Variants in SEPSECS observed in about 807,000 individuals in gnomAD.
SEPSECS encodes Sep (O-phosphoserine) tRNA:Sec (selenocysteine) tRNA synthase.
In SEPSECS, 42 loss-of-function variants were observed where a neutral mutation model predicts 52.1. The observed-to-expected ratio is 0.81, with a 90% CI of 0.63 to 1.04. The LOEUF is 1.04. SEPSECS is among the 50% of genes least tolerant of loss of function. The pLI, the probability that SEPSECS is intolerant of heterozygous loss-of-function variation, is 0.00. For missense variants in SEPSECS, 590 were observed against 610.6 expected, an observed-to-expected ratio of 0.97 and a Z score of 0.36; for synonymous variants, 216 against 211.4, an observed-to-expected ratio of 1.02 and a Z score of -0.19.
rs1169517148 is a variant in SEPSECS at position 25,122,171 on chromosome 4, C to G, written c.*1760G>C. The stretch of plus-strand genomic sequence containing the variant: ...TATGTAAATTTTTTTAATGTTTGAA[C>G]CCCAAAGATAAAATAAATACATTTT... On this transcript the variant is annotated 3_prime_UTR_variant, in exon 11 of 11. Coordinates refer to ENST00000382103, the MANE Select transcript of SEPSECS (RefSeq NM_016955.4). The G allele has an allele frequency of 6.6e-6, 1 of 151,982 alleles. No homozygotes were observed. The highest frequency in any genetic ancestry group is 6.6e-5 in the Admixed American group (1 of 15,234). The allele number at this position is 151,982 out of a possible 1,614,324, so 9.4% of individuals were successfully genotyped here. A position where few individuals can be genotyped will look rare whatever the true frequency, so the allele number is the denominator to read the frequency against.
chr4:25,136,223 G>T (rs1422917732), intron 8 of SEPSECS, among the ~76,000 whole-genome samples: 1 of 152,146 alleles, frequency 6.6e-6, no homozygotes, highest in Non-Finnish European at 1.5e-5. Context: ...GCAAGAGAAA[G>T]AAATAAAGGG....
intron 8 of SEPSECS, among the ~76,000 whole-genome samples, chr4:25,132,935 A>G (rs1024925143): frequency 3.9e-5 from 6 of 152,166 alleles, no homozygotes; most frequent in Non-Finnish European, 7.3e-5. Context: ...TGGTACTTAT[A>G]AGTGGTACTT....
intron 2 of SEPSECS, among the ~76,000 whole-genome samples, chr4:25,158,191 T>A (rs1712804054): frequency 6.6e-6 from 1 of 152,228 alleles, no homozygotes. Context: ...ATCAGCAAAC[T>A]GTTAACTGAA....
At chr4:25,137,378 AAAC>A (rs1728880623) in intron 8 of SEPSECS, among the ~76,000 whole-genome samples, 1 of 152,164 alleles carries the variant, frequency 6.6e-6, no homozygotes, top group African/African-American at 2.4e-5. Context: ...AAAAAAAATC[AAAC>A]AACCCCATAA....
intron 8 of SEPSECS, among the ~76,000 whole-genome samples, chr4:25,142,659 T>G (rs1482412925): frequency 6.6e-6 from 1 of 152,200 alleles, no homozygotes; most frequent in African/African-American, 2.4e-5. Context: ...CTTATTCAGA[T>G]GCAGGGAGGG....
chr4:25,151,005 G>C (rs1443383163), intron 6 of SEPSECS, among the ~76,000 whole-genome samples: 2 of 152,022 alleles, frequency 1.3e-5, no homozygotes, highest in Non-Finnish European at 2.9e-5. Context: ...TAAAAAACTA[G>C]AAAACGCTAG....
chr4:25,128,388 C>G (rs1728469984), intron 8 of SEPSECS, among the ~76,000 whole-genome samples: 1 of 151,876 alleles, frequency 6.6e-6, no homozygotes, highest in Non-Finnish European at 1.5e-5. Context: ...CTCCCATAGT[C>G]CAAGCTTGAG....
chr4:25,141,684 T>C (rs1231434875), intron 8 of SEPSECS, among the ~76,000 whole-genome samples: 2 of 152,216 alleles, frequency 1.3e-5, no homozygotes, highest in Non-Finnish European at 2.9e-5. Context: ...ATTCAAAGCC[T>C]GTCAGATCAT....
At chr4:25,145,648 T>C (rs796292285) in intron 6 of SEPSECS, among the ~76,000 whole-genome samples, 28 of 152,318 alleles carry the variant, frequency 1.8e-4, no homozygotes, top group African/African-American at 6.5e-4. Flanking sequence ...TGTGCTCCTT[T>C]TTTTGACAAC....
chr4:25,137,637 C>A (rs1047416237), intron 8 of SEPSECS, among the ~76,000 whole-genome samples: 1 of 152,142 alleles, frequency 6.6e-6, no homozygotes, highest in Non-Finnish European at 1.5e-5. Context: ...ATTAGTTCAA[C>A]CATTTTGGAA....
intron 8 of SEPSECS, among the ~76,000 whole-genome samples, chr4:25,135,724 CA>C (rs1194071143): frequency 2.0e-5 from 3 of 152,024 alleles, no homozygotes; most frequent in African/African-American, 7.3e-5. Context: ...ATCCTGATAT[CA>C]AAACCTGGCA....
At chr4:25,148,134 C>A (rs1164018487) in intron 6 of SEPSECS, among the ~76,000 whole-genome samples, 1 of 152,016 alleles carries the variant, frequency 6.6e-6, no homozygotes, top group Non-Finnish European at 1.5e-5. Flanking sequence ...GGGTGGATCA[C>A]GAGGTCAGGA....
At chr4:25,159,896 T>C (rs919089011) in intron 1 of SEPSECS, 528 of 1,157,164 alleles carry the variant, frequency 4.6e-4, no homozygotes, top group Non-Finnish European at 5.4e-4. Context: ...CAAACACCAT[T>C]ATGTGTTCTG....
chr4:25,144,645 G>A (rs1320498454), intron 8 of SEPSECS, 129 bp downstream of exon 8: 4 of 711,062 alleles, frequency 5.6e-6, no homozygotes, highest in Non-Finnish European at 1.0e-5. Flanking sequence ...TTCCAGATCT[G>A]AATAAATACT....
At chr4:25,150,244 A>G (rs1448834078) in intron 6 of SEPSECS, among the ~76,000 whole-genome samples, 1 of 152,278 alleles carries the variant, frequency 6.6e-6, no homozygotes, top group Non-Finnish European at 1.5e-5. Flanking sequence ...TTATGCCCAC[A>G]TAACACAAAT....
rs1274841793 is a variant in SEPSECS, at chr4:25,135,742, T to TAA, written c.1027-8386_1027-8385insTT. On this transcript the variant is annotated intron_variant, in intron 8 of 10. Coordinates refer to ENST00000382103, the MANE Select transcript of SEPSECS (RefSeq NM_016955.4). ...CTGATATCAAAACCTGGCAGAAATT[T>TAA]TAAAAAAAAAACTTCAGGCCAATAT... is the stretch of plus-strand genomic sequence containing the variant. Among the ~76,000 whole-genome samples the TAA allele has an allele frequency of 3.6e-3, 541 of 151,994 alleles. 5 individuals carry two copies. The highest frequency in any genetic ancestry group is 0.012 in the African/African-American group (511 of 41,450).
Position 25,159,097 on chromosome 4 carries a change from G to C in SEPSECS, c.125C>G (p.Pro42Arg). The C allele has an allele frequency of 2.5e-6, 4 of 1,599,686 alleles. No homozygotes were observed. Among genetic ancestry groups the C allele is most frequent in the Non-Finnish European group, 3.4e-6 (4 of 1,175,094 alleles). The change falls in exon 2 of 11, where the codon CCA becomes CGA. Residue 42 changes from proline (P) to arginine (R), a missense_variant. Physicochemically the swap from Pro to Arg is moderately radical, Grantham distance 103. Transcript: ENST00000382103. ...TGTACTTTCATCCCAGCCATTCTCTGGACACTTGCCCTTAAAAAAAAAAAA... is the reference window on the plus strand; with the variant it reads ...TGTACTTTCATCCCAGCCATTCTCTCGACACTTGCCCTTAAAAAAAAAAAA... Reference protein sequence around the residue: ...IRLLLEKGKCPENGWDESTLE... With the variant: ...IRLLLEKGKCRENGWDESTLE...
At chr4:25,138,944 T>G (rs2109015825) in intron 8 of SEPSECS, among the ~76,000 whole-genome samples, 1 of 152,350 alleles carries the variant, frequency 6.6e-6, no homozygotes, top group South Asian at 2.1e-4. Flanking sequence ...TACTTTGCTT[T>G]CTAGACTCAG....
intron 9 of SEPSECS, 53 bp downstream of exon 9, chr4:25,127,210 TC>T (rs1728411983): frequency 1.8e-6 from 2 of 1,091,500 alleles, no homozygotes; most frequent in Admixed American, 1.7e-5. Context: ...AGTATCAGCT[TC>T]CTCCTAGAGT....
Sources: allele counts gnomAD v4.1 joint callset (sites outside exome capture counted in the v4.1 genomes callset), GRCh38; gene constraint gnomAD v4.1.1; transcripts MANE v1.5; gene names NCBI Gene and HGNC (gene_info 2026-07-23, HGNC 2026-07-21).